The following SF3B1 variants were observed in gnomAD, a reference collection of about 807,000 sequenced individuals.
The protein encoded by SF3B1 is splicing factor 3b subunit 1.
Under a neutral mutation model 153.8 loss-of-function variants are expected in SF3B1, and 12 were observed. That is an observed-to-expected ratio of 0.08 (90% CI 0.05 to 0.13). The LOEUF (loss-of-function observed/expected upper bound fraction) is 0.13. Among genes scored for constraint, SF3B1 ranks in the 10% least tolerant of loss-of-function variants. The pLI is 1.00. For missense variants in SF3B1, 513 were observed against 1,606.1 expected, an observed-to-expected ratio of 0.32 and a Z score of 11.63; for synonymous variants, 498 against 525.2, an observed-to-expected ratio of 0.95 and a Z score of 0.71.
At chr2:197,424,091 T>C (rs936521974) in intron 1 of SF3B1, 117 bp from the exon 2 acceptor site, 11 of 863,462 alleles carry the variant, frequency 1.3e-5, no homozygotes, top group Admixed American at 1.1e-4. Context: ...AAATGTACAA[T>C]AATTGCACCA....
rs781073314 is a variant in SF3B1, at chr2:197,421,095, A to C, written c.234T>G (p.Gly78=). The C allele has an allele frequency of 4.3e-6, 7 of 1,613,594 alleles. No homozygotes were observed. In the Admixed American group the frequency reaches 5.0e-5, roughly 12 times the overall value. The change falls in exon 3 of 25, where the codon GGT becomes GGG. Residue 78 remains glycine (G), a synonymous_variant. Transcript: ENST00000335508. ...DDYSSSTSLL[G]QKKPGYHAPV... ...GGGCATGATATCCTGGCTTCTTCTG[A>C]CCAAGCAAACTCGTAGATGATGAAT...
rs77998163 is a variant in SF3B1, at chr2:197,433,775, G to T, written c.28+1197C>A. On this transcript the variant is annotated intron_variant, in intron 1 of 24. Coordinates refer to ENST00000335508, the MANE Select transcript of SF3B1 (RefSeq NM_012433.4). Reference sequence around the variant, plus strand: ...TGCACCCTCTGTTCCTGCTACAGTGGACTACTACTCAAACACACCTTTCAC... The same window carrying T: ...TGCACCCTCTGTTCCTGCTACAGTGTACTACTACTCAAACACACCTTTCAC... 5.4e-4 allele frequency among the ~76,000 whole-genome samples: 82 copies of T among 152,240 alleles called. 1 individual carries two copies. Among genetic ancestry groups the T allele is most frequent in the African/African-American group, 1.9e-3 (78 of 41,550 alleles).
intron 20 of SF3B1, chr2:197,399,000 C>A: frequency 4.1e-6 from 5 of 1,210,600 alleles, no homozygotes; most frequent in Non-Finnish European, 4.4e-6. Context: ...GATCTCCAGT[C>A]TCCCTGCAAT....
At chr2:197,435,083 G>A (rs2085503424), upstream of SF3B1, 2 of 1,600,522 alleles carry the variant, frequency 1.2e-6, no homozygotes, top group East Asian at 2.2e-5. Context: ...AATAGCTGGG[G>A]GCTGCACTCT....
intron 4 of SF3B1, 80 bp downstream of exon 4, chr2:197,420,348 G>T: frequency 1.9e-6 from 2 of 1,052,852 alleles, no homozygotes; most frequent in South Asian, 1.4e-5. Context: ...TCAGAAGCAT[G>T]CCAAAAAAAA....
intron 20 of SF3B1, chr2:197,399,127 C>T: frequency 8.0e-7 from 1 of 1,249,796 alleles, no homozygotes; most frequent in South Asian, 1.4e-5. Context: ...TTGCTCTTCC[C>T]ATGCCTCTCT....
rs377023736 is a variant in SF3B1 at position 197,402,635 on chromosome 2, C to A, written c.1998G>T (p.Lys666Asn). ...TAAGAATAGCTATCTGTTGTACAAT[C>A]TTAATACCAGTGTGTCTCGCTTGCC... The part of the protein sequence containing the change: ...KSWQARHTGI[K>N]IVQQIAILMG... The change falls in exon 14 of 25, where the codon AAG (lysine) becomes AAT (asparagine). Residue 666 changes from lysine (K) to asparagine (N), a missense_variant. Lys to Asn is a moderately conservative substitution (Grantham distance 94, BLOSUM62 0). Around this residue, in one of 21 missense-constraint regions of SF3B1, gnomAD observed 13 missense variants for 16.1 expected, o/e 0.81. Coordinates refer to ENST00000335508, the MANE Select transcript of SF3B1 (RefSeq NM_012433.4). The surrounding 1 kb of genome is among the most constrained non-coding windows in gnomAD (Gnocchi z 4.6). The A allele has an allele frequency of 2.2e-5, 36 of 1,613,842 alleles. No individual in the cohort carries two copies. The highest frequency in any genetic ancestry group is 4.5e-5 in the East Asian group (2 of 44,900).
At chr2:197,392,941 T>A (rs1245647764) in intron 24 of SF3B1, 31 bp downstream of exon 24, 1 of 1,192,576 alleles carries the variant, frequency 8.4e-7, no homozygotes, top group Non-Finnish European at 1.2e-6. Flanking sequence ...AAAAAAAAAA[T>A]CACCGATTAA....
At chr2:197,432,215 G>C (rs560954353) in intron 1 of SF3B1, among the ~76,000 whole-genome samples, 7 of 152,234 alleles carry the variant, frequency 4.6e-5, no homozygotes, top group African/African-American at 1.4e-4. Context: ...AAAGAATTAG[G>C]GAAAAAACTT....
chr2:197,424,899 C>T (rs2085308828), intron 1 of SF3B1, among the ~76,000 whole-genome samples: 1 of 152,200 alleles, frequency 6.6e-6, no homozygotes, highest in Non-Finnish European at 1.5e-5. Flanking sequence ...GTGGTCCACG[C>T]CTATAATCCC....
chr2:197,419,022 A>C, intron 4 of SF3B1: 1 of 1,235,672 alleles, frequency 8.1e-7, no homozygotes. Context: ...TACCTGTTGC[A>C]AGCTGTTAAA....
chr2:197,395,380 G>A (rs911408000), intron 23 of SF3B1, among the ~76,000 whole-genome samples: 1 of 152,172 alleles, frequency 6.6e-6, no homozygotes, highest in Non-Finnish European at 1.5e-5. Context: ...ACTTAAATCT[G>A]TACACAAAAG....
chr2:197,424,673 T>G (rs2085303887), intron 1 of SF3B1, among the ~76,000 whole-genome samples: 1 of 152,174 alleles, frequency 6.6e-6, no homozygotes, highest in African/African-American at 2.4e-5. Flanking sequence ...CAGACTAGTC[T>G]TCCATTTTGT....
Position 197,402,719 on chromosome 2 carries a change from G to C in SF3B1, c.1914C>G (p.Ala638=), listed in dbSNP as rs2105987096. The change falls in exon 14 of 25, where the codon GCC becomes GCG. Residue 638 remains alanine, a synonymous_variant. Transcript: ENST00000335508. This position sits in a 1 kb window ranked among gnomAD's most constrained non-coding sequence, Gnocchi z 4.6. ...TARAFAVVAS[A]LGIPSLLPFL... is the part of the protein sequence containing the mutation. Reference sequence around the variant, plus strand: ...AGGGCAATAAAGAAGGAATGCCCAGGGCAGAGGCTACAACAGCAAAAGCTC... The same window carrying C: ...AGGGCAATAAAGAAGGAATGCCCAGCGCAGAGGCTACAACAGCAAAAGCTC... The C allele has an allele frequency of 6.2e-7, 1 of 1,614,058 alleles. No individual in the cohort carries two copies. The highest frequency in any genetic ancestry group is 1.6e-4 in the Middle Eastern group (1 of 6,062).
chr2:197,423,135 G>A (rs1574551620), intron 2 of SF3B1, among the ~76,000 whole-genome samples: 2 of 151,718 alleles, frequency 1.3e-5, no homozygotes, highest in African/African-American at 2.4e-5. Flanking sequence ...GCCTGTAATC[G>A]CAGCACTTTG....
intron 1 of SF3B1, among the ~76,000 whole-genome samples, chr2:197,431,476 T>G (rs1371425383): frequency 6.6e-6 from 1 of 152,212 alleles, no homozygotes; most frequent in Non-Finnish European, 1.5e-5. Context: ...CACTTCTTCC[T>G]CCTTGATTTT....
intron 1 of SF3B1, among the ~76,000 whole-genome samples, chr2:197,430,734 G>A (rs572384499): frequency 1.8e-4 from 28 of 152,268 alleles, no homozygotes; most frequent in South Asian, 6.2e-4. Flanking sequence ...GATTACAGGC[G>A]TAAGCCACCG....
At chr2:197,422,418 A>C in intron 2 of SF3B1, among the ~76,000 whole-genome samples, 1 of 143,762 alleles carries the variant, frequency 7.0e-6, no homozygotes, top group Non-Finnish European at 1.5e-5. Context: ...GGGTGGGGGT[A>C]GGGGGGAGGG....
Position 197,424,802 on chromosome 2 carries a change from T to C in SF3B1, c.29-828A>G, listed in dbSNP as rs146912555. Among the ~76,000 whole-genome samples the C allele has an allele frequency of 5.3e-5, 8 of 152,342 alleles. No individual in the cohort carries two copies. The East Asian group carries it at 1.3e-3, about 26-fold the overall frequency. ...CAAAAGATTTCCATGGCCTGACAAATAGCTGTTTAAATTCTTGCCAGCCCA... is the reference window on the plus strand; with the variant it reads ...CAAAAGATTTCCATGGCCTGACAAACAGCTGTTTAAATTCTTGCCAGCCCA... On this transcript the variant is annotated intron_variant, in intron 1 of 24. Transcript: ENST00000335508.
Sources: gnomAD v4.1 joint callset for allele counts (sites outside exome capture counted in the v4.1 genomes callset) on GRCh38, gnomAD v4.1.1 for gene constraint, gnomAD v4.1.1 regional missense constraint, Gnocchi (gnomAD v3.1) non-coding constraint, MANE v1.5 for transcripts, NCBI Gene and HGNC (gene_info 2026-07-23, HGNC 2026-07-21) for gene names.